Variants in CACNA2D3 observed in about 807,000 individuals in gnomAD.
CACNA2D3 encodes calcium voltage-gated channel auxiliary subunit alpha2delta 3, also known as voltage-dependent calcium channel subunit alpha-2/delta-3.
Under a neutral mutation model 160.6 loss-of-function variants are expected in CACNA2D3, and 60 were observed. The ratio of observed to expected loss-of-function variants is 0.37; its 90% confidence interval spans 0.30 to 0.46. The LOEUF (loss-of-function observed/expected upper bound fraction) is 0.46, where lower values mean the gene tolerates loss of function less well. CACNA2D3 is among the 20% of genes least tolerant of loss of function. The pLI, the probability that CACNA2D3 is intolerant of heterozygous loss-of-function variation, is 1.00. For missense variants in CACNA2D3, 1,205 were observed against 1,365.0 expected, an observed-to-expected ratio of 0.88 and a Z score of 1.85; for synonymous variants, 558 against 492.9, an observed-to-expected ratio of 1.13 and a Z score of -1.75.
At chr3:55,018,642 T>C (rs1575437779) in intron 35 of CACNA2D3, among the ~76,000 whole-genome samples, 2 of 152,196 alleles carry the variant, frequency 1.3e-5, no homozygotes. Context: ...TTCAAGAATG[T>C]CCTTACGTAT....
intron 5 of CACNA2D3, among the ~76,000 whole-genome samples, chr3:54,530,189 T>C (rs1321741448): frequency 6.6e-6 from 1 of 152,224 alleles, no homozygotes; most frequent in African/African-American, 2.4e-5. Flanking sequence ...CCAATGAGAC[T>C]ATGGGTCCCA....
At chr3:54,152,193 C>T (rs924106502) in intron 2 of CACNA2D3, among the ~76,000 whole-genome samples, 1 of 152,226 alleles carries the variant, frequency 6.6e-6, no homozygotes, top group African/African-American at 2.4e-5. Flanking sequence ...AGCTCTGTCT[C>T]CCACGTAGCC....
intron 31 of CACNA2D3, among the ~76,000 whole-genome samples, chr3:55,000,142 A>G (rs1213269731): frequency 6.6e-6 from 1 of 152,170 alleles, no homozygotes; most frequent in African/African-American, 2.4e-5. Context: ...GCTGGGCATG[A>G]TTCTCAGAGC....
intron 13 of CACNA2D3, among the ~76,000 whole-genome samples, chr3:54,805,213 G>T (rs1219779939): frequency 6.6e-6 from 1 of 152,180 alleles, no homozygotes; most frequent in East Asian, 1.9e-4. Flanking sequence ...GAGCAGAACT[G>T]AAGGAAATAG....
chr3:54,998,734 T>C (rs1434063598), intron 31 of CACNA2D3, among the ~76,000 whole-genome samples: 1 of 151,180 alleles, frequency 6.6e-6, no homozygotes, highest in East Asian at 2.0e-4. Context: ...TTTTGTTTTG[T>C]TTTGTTTTGT....
chr3:54,947,808 T>C (rs1440417296), intron 27 of CACNA2D3, among the ~76,000 whole-genome samples: 1 of 152,176 alleles, frequency 6.6e-6, no homozygotes, highest in African/African-American at 2.4e-5. Context: ...ATTGCAATGT[T>C]TGGGGATGTG....
chr3:54,713,065 G>C (rs972855835), intron 11 of CACNA2D3, among the ~76,000 whole-genome samples: 1 of 152,186 alleles, frequency 6.6e-6, no homozygotes, highest in East Asian at 1.9e-4. Flanking sequence ...GAAGACTCCT[G>C]TAATGGCTTA....
At chr3:54,763,010 C>T (rs913642911) in intron 12 of CACNA2D3, among the ~76,000 whole-genome samples, 1 of 151,428 alleles carries the variant, frequency 6.6e-6, no homozygotes, top group African/African-American at 2.4e-5. Context: ...ATGGTGTGAA[C>T]CCGGGAGGCG....
At chr3:54,613,163 T>C (rs1698779493) in intron 9 of CACNA2D3, among the ~76,000 whole-genome samples, 1 of 152,208 alleles carries the variant, frequency 6.6e-6, no homozygotes, top group Admixed American at 6.5e-5. Context: ...TTAATTTGCA[T>C]TTTTACCTGC....
intron 25 of CACNA2D3, among the ~76,000 whole-genome samples, chr3:54,896,280 ATTTACTTCC>A (rs967194850): frequency 5.3e-5 from 8 of 152,142 alleles, no homozygotes; most frequent in African/African-American, 1.9e-4. Context: ...GTGGGCTCAC[ATTTACTTCC>A]TTTGCACTTC....
chr3:54,232,544 G>A (rs1701792675), intron 2 of CACNA2D3, among the ~76,000 whole-genome samples: 1 of 152,150 alleles, frequency 6.6e-6, no homozygotes, highest in Non-Finnish European at 1.5e-5. Flanking sequence ...CTTGCATGAG[G>A]GTTTTTGTTT....
chr3:54,834,906 A>AG lies in CACNA2D3; in HGVS notation c.1399-2247dup, dbSNP rs561013564. Among the ~76,000 whole-genome samples, 758 of 152,288 alleles carry AG rather than the reference A, an allele frequency of 5.0e-3. 4 individuals are homozygous for AG. The highest frequency in any genetic ancestry group is 0.017 in the African/African-American group (723 of 41,554). ...TCTACAGGCAGAATTCCTTCTTTTG[A>AG]GGGGGGCCTTGTCTTTTCTCTTAAG... On this transcript the variant is annotated intron_variant, in intron 14 of 37. Coordinates refer to ENST00000474759, the MANE Select transcript of CACNA2D3 (RefSeq NM_018398.3).
intron 4 of CACNA2D3, among the ~76,000 whole-genome samples, chr3:54,443,502 T>C (rs529669061): frequency 6.6e-6 from 1 of 152,356 alleles, no homozygotes; most frequent in African/African-American, 2.4e-5. Flanking sequence ...TCTTTTGGGC[T>C]TCTTCACTAG....
chr3:54,426,414 G>C (rs1699913144), intron 4 of CACNA2D3, among the ~76,000 whole-genome samples: 1 of 152,128 alleles, frequency 6.6e-6, no homozygotes, highest in African/African-American at 2.4e-5. Flanking sequence ...AATGGGTTGG[G>C]ATATTTTGGA....
At chr3:54,409,700 G>A (rs1472298113) in intron 4 of CACNA2D3, among the ~76,000 whole-genome samples, 2 of 152,204 alleles carry the variant, frequency 1.3e-5, no homozygotes, top group Non-Finnish European at 2.9e-5. Flanking sequence ...TTGCTGATAT[G>A]GAGAAATTTT....
At chr3:54,264,019 C>T (rs1302894455) in intron 2 of CACNA2D3, among the ~76,000 whole-genome samples, 1 of 152,190 alleles carries the variant, frequency 6.6e-6, no homozygotes, top group Non-Finnish European at 1.5e-5. Context: ...TTCTATGTTA[C>T]ATCCATACAG....
At chr3:54,763,954 C>A (rs1702169631) in intron 12 of CACNA2D3, among the ~76,000 whole-genome samples, 1 of 145,914 alleles carries the variant, frequency 6.9e-6, no homozygotes, top group Admixed American at 6.9e-5. Flanking sequence ...TTAACAGGAA[C>A]TTCCTCTGGG....
rs186002140 is a variant in CACNA2D3 at position 54,674,290 on chromosome 3, G to A, written c.1167+32049G>A. Among the ~76,000 whole-genome samples the A allele has an allele frequency of 1.4e-3, 207 of 152,290 alleles. 3 individuals are homozygous for A. In the Middle Eastern group the frequency reaches 0.017, roughly 13 times the overall value. On this transcript the variant is annotated intron_variant, in intron 11 of 37. Coordinates refer to ENST00000474759, the MANE Select transcript of CACNA2D3 (RefSeq NM_018398.3). ...TTCAAAGGGGAGCCACAGAGCCTGAGCCTCATTCATTCATTCATTCATTCA... is the reference window on the plus strand; with the variant it reads ...TTCAAAGGGGAGCCACAGAGCCTGAACCTCATTCATTCATTCATTCATTCA...
chr3:54,934,726 T>C (rs1701286690), intron 27 of CACNA2D3, among the ~76,000 whole-genome samples: 2 of 152,282 alleles, frequency 1.3e-5, no homozygotes. Flanking sequence ...TGTTTTGTTT[T>C]GTTTTTTTGT....
Sources: allele counts gnomAD v4.1 joint callset (sites outside exome capture counted in the v4.1 genomes callset), GRCh38; gene constraint gnomAD v4.1.1; transcripts MANE v1.5; gene names NCBI Gene and HGNC (gene_info 2026-07-23, HGNC 2026-07-21).